The following STX12 variants were observed in gnomAD, a reference collection of about 807,000 sequenced individuals.
The protein encoded by STX12 is syntaxin-12.
A neutral mutation model predicts 42.2 loss-of-function variants in STX12; 17 were observed. The observed-to-expected ratio is 0.40, with a 90% CI of 0.28 to 0.60. STX12 has a LOEUF of 0.60. Ranked by LOEUF, STX12 falls within the 20% of genes least tolerant of loss-of-function variation. The pLI is 0.39. For synonymous variants in STX12, 108 were observed against 116.7 expected, an observed-to-expected ratio of 0.93 and a Z score of 0.48; for missense variants, 297 against 330.9, an observed-to-expected ratio of 0.90 and a Z score of 0.79.
intron 6 of STX12, among the ~76,000 whole-genome samples, chr1:27,816,648 A>C (rs2088944841): frequency 6.7e-6 from 1 of 149,084 alleles, no homozygotes; most frequent in South Asian, 2.1e-4. Context: ...GGCCAGGCAC[A>C]GTGACTCATG....
At chr1:27,785,581 T>A (rs116673229) in intron 1 of STX12, among the ~76,000 whole-genome samples, 4,714 of 152,252 alleles carry the variant, frequency 0.031, 92 homozygotes, top group Non-Finnish European at 0.045. Context: ...ATTCAGTAAA[T>A]GTCAGTGAAA....
At chr1:27,813,194 G>A (rs537406765) in intron 6 of STX12, among the ~76,000 whole-genome samples, 19 of 144,444 alleles carry the variant, frequency 1.3e-4, no homozygotes, top group Non-Finnish European at 2.1e-4. Context: ...TTTTTTTTCC[G>A]AGACTAAGTC....
At chr1:27,787,520 G>A (rs370038633) in intron 1 of STX12, among the ~76,000 whole-genome samples, 11 of 152,026 alleles carry the variant, frequency 7.2e-5, no homozygotes, top group South Asian at 2.1e-4. Flanking sequence ...TTAGCCAGGC[G>A]TGGTGGCACA....
At chr1:27,817,076 A>G (rs2088948718) in intron 6 of STX12, among the ~76,000 whole-genome samples, 1 of 149,854 alleles carries the variant, frequency 6.7e-6, no homozygotes, top group Non-Finnish European at 1.5e-5. Context: ...GGAAAGAAGG[A>G]AGGAAAGAAA....
rs1286299202 is a variant in STX12 at position 27,789,629 on chromosome 1, T to C, written c.186T>C (p.Asn62=). 6.2e-7 allele frequency: 1 copy of C among 1,612,726 alleles called. No homozygotes were observed. The highest frequency in any genetic ancestry group is 1.1e-5 in the South Asian group (1 of 90,890). ...AGGACTCAAGCAAGCTACAGGAAAA[T>C]CTGTGAGTAACTTCCTGACAAGGTT... The part of the protein sequence containing the change: ...TKQDSSKLQE[N]LQQLQHSTNQ... The change falls in exon 2 of 9, where the codon AAT becomes AAC. Residue 62 remains asparagine, a splice_region_variant and synonymous_variant. Transcript: ENST00000373943.
chr1:27,819,708 G>A lies in STX12; in HGVS notation c.708G>A (p.Gln236=). 6.2e-7 allele frequency: 1 copy of A among 1,613,886 alleles called. No homozygotes were observed. The highest frequency in any genetic ancestry group is 8.5e-7 in the Non-Finnish European group (1 of 1,179,832). ...TGCACGTCGAAAGAGCCACTGAACAGTTACAGCGAGCTGCTTACTATCAGG... is the reference window on the plus strand; with the variant it reads ...TGCACGTCGAAAGAGCCACTGAACAATTACAGCGAGCTGCTTACTATCAGG... ...SEVHVERATE[Q]LQRAAYYQKK... is the part of the protein sequence containing the mutation. Residue 236 remains glutamine, a synonymous_variant, in exon 8 of 9, where the codon CAG becomes CAA. Transcript: ENST00000373943.
chr1:27,784,034 G>A (rs966034920), intron 1 of STX12, among the ~76,000 whole-genome samples: 13 of 152,164 alleles, frequency 8.5e-5, no homozygotes, highest in Non-Finnish European at 1.8e-4. Flanking sequence ...GAAAAAATTA[G>A]CCGGGCATGG....
chr1:27,812,169 G>A lies in STX12; in HGVS notation c.477G>A (p.Glu159=), dbSNP rs1299352688. Reference sequence around the variant, plus strand: ...TGTGCCTGTTTCCCTGCAGCCATGAGGAGTGGAACCAGATGCAGAGCCAGG... The same window carrying A: ...TGTGCCTGTTTCCCTGCAGCCATGAAGAGTGGAACCAGATGCAGAGCCAGG... The part of the protein sequence containing the change: ...EEQLVSFDSH[E]EWNQMQSQED... The change falls in exon 6 of 9, where the codon GAG becomes GAA. Residue 159 remains glutamate, a synonymous_variant. Coordinates refer to ENST00000373943, the MANE Select transcript of STX12 (RefSeq NM_177424.3). The A allele has an allele frequency of 6.4e-7, 1 of 1,555,480 alleles. No homozygotes were observed. Among genetic ancestry groups the A allele is most frequent in the Non-Finnish European group, 8.7e-7 (1 of 1,148,764 alleles).
At chr1:27,792,143 T>C (rs1455361970) in intron 2 of STX12, among the ~76,000 whole-genome samples, 1 of 107,108 alleles carries the variant, frequency 9.3e-6, no homozygotes. Context: ...TATGTATATA[T>C]CTATATATGT....
chr1:27,781,577 C>T (rs529253909), intron 1 of STX12, among the ~76,000 whole-genome samples: 68 of 152,264 alleles, frequency 4.5e-4, no homozygotes, highest in South Asian at 1.4e-3. Context: ...TCTACAGTCC[C>T]TGCTACATAG....
intron 1 of STX12, among the ~76,000 whole-genome samples, chr1:27,786,113 C>A (rs1405435715): frequency 6.6e-6 from 1 of 152,160 alleles, no homozygotes; most frequent in East Asian, 1.9e-4. Flanking sequence ...TCAAAACCTA[C>A]CAGTGATTTC....
intron 1 of STX12, among the ~76,000 whole-genome samples, chr1:27,782,163 A>G (rs1315738543): frequency 6.6e-6 from 1 of 152,156 alleles, no homozygotes; most frequent in Admixed American, 6.5e-5. Context: ...CCAGTAGTAC[A>G]GTGGTACCGT....
chr1:27,822,397 A>G lies in STX12; in HGVS notation c.*68A>G, dbSNP rs771355925. ...GTGCTTGTTGAAGTCTTGCCAGAAC[A>G]AACTGATCACAAGAAGACAGCATAT... On this transcript the variant is annotated 3_prime_UTR_variant, in exon 9 of 9. Coordinates refer to ENST00000373943, the MANE Select transcript of STX12 (RefSeq NM_177424.3). 5 of 987,762 alleles carry G rather than the reference A, an allele frequency of 5.1e-6. No homozygotes were observed. Among genetic ancestry groups the G allele is most frequent in the Non-Finnish European group, 8.2e-6 (5 of 609,390 alleles). The allele number at this position is 987,762 out of a possible 1,614,324, so 61.2% of individuals were successfully genotyped here.
chr1:27,819,655 A>C lies in STX12; in HGVS notation c.655A>C (p.Ile219Leu). 1 of 1,613,824 alleles carries C rather than the reference A, an allele frequency of 6.2e-7. No individual in the cohort carries two copies. The highest frequency in any genetic ancestry group is 8.5e-7 in the Non-Finnish European group (1 of 1,179,778). ...CTCTGTCCTTCCTTTTGCAGATAGC[A>C]TAGAAGCCAATGTGGAAAGCTCAGA... ...IHDQGDLIDSIEANVESSEVH... is the reference protein window; with the variant it reads ...IHDQGDLIDSLEANVESSEVH... Residue 219 changes from isoleucine (I) to leucine (L), a missense_variant, in exon 8 of 9, where the codon ATA becomes CTA. Coordinates refer to ENST00000373943, the MANE Select transcript of STX12 (RefSeq NM_177424.3).
chr1:27,812,632 G>A (rs1195694548), intron 6 of STX12, among the ~76,000 whole-genome samples: 1 of 151,970 alleles, frequency 6.6e-6, no homozygotes, highest in Non-Finnish European at 1.5e-5. Context: ...GTAGAGACGG[G>A]GTTTCTCCAT....
rs929182258 is a variant in STX12 at position 27,773,478 on chromosome 1, G to A, written c.118+53G>A. On this transcript the variant is annotated intron_variant, in intron 1 of 8. Coordinates refer to ENST00000373943, the MANE Select transcript of STX12 (RefSeq NM_177424.3). ...GGGAGCTGTCCCGGGGACAGGCCTG[G>A]GTGAGGCTGCCGGGACGCAGGGCCC... The A allele has an allele frequency of 8.4e-6, 13 of 1,551,044 alleles. No individual in the cohort carries two copies. In the African/African-American group the frequency reaches 1.8e-4, roughly 21 times the overall value.
intron 8 of STX12, 119 bp downstream of exon 8, chr1:27,819,851 T>TC: frequency 1.4e-6 from 1 of 738,766 alleles, no homozygotes; most frequent in Non-Finnish European, 2.2e-6. Context: ...AGGAAAGTAG[T>TC]CATAATTGCA....
intron 3 of STX12, among the ~76,000 whole-genome samples, chr1:27,798,349 T>G (rs994284777): frequency 6.6e-6 from 1 of 151,400 alleles, no homozygotes; most frequent in African/African-American, 2.4e-5. Flanking sequence ...CCGGGCAACA[T>G]CTCTACAAAA....
chr1:27,788,857 A>G (rs1439498755), intron 1 of STX12, among the ~76,000 whole-genome samples: 2 of 152,014 alleles, frequency 1.3e-5, no homozygotes, highest in African/African-American at 4.8e-5. Flanking sequence ...TAATAATACA[A>G]AAAAATTAAT....
Sources: gnomAD v4.1 joint callset for allele counts (sites outside exome capture counted in the v4.1 genomes callset) on GRCh38, gnomAD v4.1.1 for gene constraint, MANE v1.5 for transcripts, NCBI Gene and HGNC (gene_info 2026-07-23, HGNC 2026-07-21) for gene names.